PLS1: variants seen among roughly 807,000 people sequenced by gnomAD.
PLS1 encodes the protein plastin-1.
A neutral mutation model predicts 73.7 loss-of-function variants in PLS1; 32 were observed. The ratio of observed to expected loss-of-function variants is 0.43; its 90% confidence interval spans 0.33 to 0.58. PLS1 has a LOEUF of 0.58. Ranked by LOEUF, PLS1 falls within the 20% of genes least tolerant of loss-of-function variation. The probability of loss-of-function intolerance (pLI) is 0.04; values close to 1 mark genes in which losing one functional copy is unlikely to be tolerated. For synonymous variants in PLS1, 217 were observed against 261.3 expected, an observed-to-expected ratio of 0.83 and a Z score of 1.63; for missense variants, 633 against 740.5, an observed-to-expected ratio of 0.85 and a Z score of 1.68.
intron 1 of PLS1, among the ~76,000 whole-genome samples, chr3:142,634,129 T>A (rs377744648): frequency 4.3e-4 from 65 of 152,240 alleles, no homozygotes; most frequent in African/African-American, 1.4e-3. Flanking sequence ...CTGTCTAAAA[T>A]GCAGCAAAAA....
chr3:142,682,706 C>T (rs1166100023), intron 6 of PLS1, among the ~76,000 whole-genome samples: 1 of 152,154 alleles, frequency 6.6e-6, no homozygotes, highest in Non-Finnish European at 1.5e-5. Flanking sequence ...TATTAGTGGT[C>T]ATGCCTAAAT....
At chr3:142,647,799 C>T (rs2036991166) in intron 1 of PLS1, among the ~76,000 whole-genome samples, 1 of 152,114 alleles carries the variant, frequency 6.6e-6, no homozygotes, top group Non-Finnish European at 1.5e-5. Context: ...GAAAGCCTTC[C>T]TTGAATCTTC....
intron 4 of PLS1, among the ~76,000 whole-genome samples, chr3:142,672,938 G>A (rs752968992): frequency 1.3e-5 from 2 of 151,982 alleles, no homozygotes; most frequent in Admixed American, 6.6e-5. Context: ...CCCTCTTCCC[G>A]AAGGCTCTGC....
At chr3:142,655,192 G>A (rs2107802670) in intron 1 of PLS1, among the ~76,000 whole-genome samples, 1 of 152,238 alleles carries the variant, frequency 6.6e-6, no homozygotes, top group Non-Finnish European at 1.5e-5. Flanking sequence ...CTGAGCAAAG[G>A]AAAAGACAGA....
intron 3 of PLS1, among the ~76,000 whole-genome samples, chr3:142,670,472 G>T (rs914243495): frequency 2.6e-5 from 4 of 151,880 alleles, no homozygotes; most frequent in African/African-American, 9.7e-5. Context: ...GACAAGATCA[G>T]ATTTGCATTT....
chr3:142,599,576 G>A (rs1032578892), intron 1 of PLS1, among the ~76,000 whole-genome samples: 9 of 151,784 alleles, frequency 5.9e-5, no homozygotes, highest in Admixed American at 1.3e-4. Flanking sequence ...TGATCCACCC[G>A]CCTCGGCCTC....
At chr3:142,631,651 G>C (rs116703769) in intron 1 of PLS1, among the ~76,000 whole-genome samples, 1 of 103,586 alleles carries the variant, frequency 9.7e-6, no homozygotes, top group East Asian at 3.3e-4. Flanking sequence ...ACAGAGTTGA[G>C]ACCCTGTCTC....
rs73002063 is a variant in PLS1, at chr3:142,668,566, G to T, written c.71-824G>T. 9.9e-3 allele frequency among the ~76,000 whole-genome samples: 1,504 copies of T among 151,562 alleles called. 29 individuals carry two copies. The highest frequency in any genetic ancestry group is 0.035 in the African/African-American group (1,439 of 41,314). Reference sequence around the variant, plus strand: ...TCAAGAAGTTAAAGTCTGAGTGGGTGCTCCCTTTTTAGCTATCTGTGACTT... The same window carrying T: ...TCAAGAAGTTAAAGTCTGAGTGGGTTCTCCCTTTTTAGCTATCTGTGACTT... On this transcript the variant is annotated intron_variant, in intron 2 of 15. Transcript: ENST00000457734.
At position 142,712,098 on chromosome 3, in the gene PLS1, T is replaced by G; in HGVS notation, c.*91T>G. On this transcript the variant is annotated 3_prime_UTR_variant, in exon 16 of 16. Transcript: ENST00000457734. ...ATGTAGTGGGTGTAAAACCAGAGAT[T>G]ATTTGTATGCTCAAAATAGTTATAT... 1.8e-6 allele frequency: 2 copies of G among 1,107,650 alleles called. No individual in the cohort carries two copies. Among genetic ancestry groups the G allele is most frequent in the Non-Finnish European group, 2.7e-6 (2 of 736,674 alleles). 68.6% of individuals were successfully genotyped at this position (1,107,650 alleles called of 1,614,324 possible).
chr3:142,649,291 A>G (rs1321965136), intron 1 of PLS1, among the ~76,000 whole-genome samples: 1 of 145,668 alleles, frequency 6.9e-6, no homozygotes, highest in African/African-American at 2.6e-5. Flanking sequence ...AACCATGATC[A>G]TGATACTGCA....
intron 2 of PLS1, among the ~76,000 whole-genome samples, chr3:142,665,448 A>T (rs1010666666): frequency 7.9e-5 from 12 of 152,212 alleles, no homozygotes; most frequent in African/African-American, 2.9e-4. Context: ...GCATTGTATG[A>T]ATATGGTATG....
chr3:142,641,129 C>G (rs1013318164), intron 1 of PLS1, among the ~76,000 whole-genome samples: 1 of 147,510 alleles, frequency 6.8e-6, no homozygotes, highest in Admixed American at 6.8e-5. Flanking sequence ...CCACTGTACT[C>G]CAGCCTGGGT....
intron 5 of PLS1, among the ~76,000 whole-genome samples, chr3:142,677,647 AAAAAAAG>A (rs981154028): frequency 6.6e-6 from 1 of 152,272 alleles, no homozygotes; most frequent in Non-Finnish European, 1.5e-5. Flanking sequence ...CCCTCTTAAA[AAAAAAAG>A]AAAATTCAGG....
intron 5 of PLS1, among the ~76,000 whole-genome samples, chr3:142,677,281 A>G (rs1358769886): frequency 6.6e-6 from 1 of 152,148 alleles, no homozygotes; most frequent in Non-Finnish European, 1.5e-5. Flanking sequence ...TTCTTGGAGA[A>G]TTTCTTTGTT....
intron 1 of PLS1, among the ~76,000 whole-genome samples, chr3:142,655,178 G>A (rs2037195704): frequency 6.6e-6 from 1 of 152,004 alleles, no homozygotes; most frequent in Admixed American, 6.6e-5. Flanking sequence ...AAGAAATGAA[G>A]ACACTGAGCA....
At chr3:142,679,144 T>G (rs1189086981) in intron 6 of PLS1, among the ~76,000 whole-genome samples, 1 of 151,790 alleles carries the variant, frequency 6.6e-6, no homozygotes, top group Non-Finnish European at 1.5e-5. Context: ...TGTAAATTTG[T>G]TTGAGTTCAT....
At chr3:142,683,499 G>A (rs980476012) in intron 6 of PLS1, among the ~76,000 whole-genome samples, 5 of 151,980 alleles carry the variant, frequency 3.3e-5, no homozygotes, top group African/African-American at 4.8e-5. Context: ...GTGAGACTCC[G>A]TCTCAAAAAA....
At chr3:142,696,128 T>G (rs2038193021) in intron 11 of PLS1, among the ~76,000 whole-genome samples, 1 of 152,208 alleles carries the variant, frequency 6.6e-6, no homozygotes, top group Non-Finnish European at 1.5e-5. Flanking sequence ...TAAACATGAT[T>G]GCATTTTTTT....
chr3:142,682,023 T>G (rs1298179845), intron 6 of PLS1, among the ~76,000 whole-genome samples: 4 of 152,184 alleles, frequency 2.6e-5, no homozygotes, highest in Admixed American at 2.6e-4. Flanking sequence ...GTTAACTGTT[T>G]AATGCAGTAA....
Sources: allele counts gnomAD v4.1 joint callset (sites outside exome capture counted in the v4.1 genomes callset), GRCh38; gene constraint gnomAD v4.1.1; transcripts MANE v1.5; gene names NCBI Gene and HGNC (gene_info 2026-07-23, HGNC 2026-07-21).